The following TGFBR3 variants were observed in gnomAD, a reference collection of about 807,000 sequenced individuals.
TGFBR3 encodes the protein transforming growth factor beta receptor type 3.
A neutral mutation model predicts 87.9 loss-of-function variants in TGFBR3; 46 were observed. That is an observed-to-expected ratio of 0.52 (90% CI 0.41 to 0.67). TGFBR3 has a LOEUF of 0.67. Ranked by LOEUF, TGFBR3 falls within the 30% of genes least tolerant of loss-of-function variation. TGFBR3 has a pLI of 0.00. For missense variants in TGFBR3, 866 were observed against 1,041.9 expected (o/e 0.83, Z 2.32); for synonymous variants, 381 against 391.6 (o/e 0.97, Z 0.32).
At chr1:91,866,877 A>AG (rs1678409120) in intron 1 of TGFBR3, 1 of 152,282 alleles carries the variant, frequency 6.6e-6, no homozygotes, top group Non-Finnish European at 1.5e-5. Context: ...AAGTTCAAGG[A>AG]GGGGTTTAAA....
rs1447799026 is a variant in TGFBR3 at position 91,727,804 on chromosome 1, G to A, written c.740C>T (p.Ala247Val). ...LITPNSNPYS[A>V]FQVDITIDIR... The stretch of plus-strand genomic sequence containing the variant: ...ATCAATTGTTATATCCACCTGGAAA[G>A]CACTGTGAATGGAAGACAAAGGCAA... Residue 247 changes from alanine (A) to valine (V), a missense_variant and splice_region_variant, in exon 7 of 17, where the codon GCT becomes GTT. Transcript: ENST00000212355. 1.2e-6 allele frequency: 2 copies of A among 1,613,748 alleles called. No individual in the cohort carries two copies. Among genetic ancestry groups the A allele is most frequent in the East Asian group, 2.2e-5 (1 of 44,830 alleles).
chr1:91,780,551 C>CTTTTTTTTT lies in TGFBR3; in HGVS notation c.246+16727_246+16735dup, dbSNP rs60294904. On this transcript the variant is annotated intron_variant, in intron 3 of 16. Coordinates refer to ENST00000212355, the MANE Select transcript of TGFBR3 (RefSeq NM_003243.5). ...TACTAGTTCCCGCAAGGGTCTAAGG[C>CTTTTTTTTT]TTTTTTTTTTTTTTTTTTTTTTTCT... Among the ~76,000 whole-genome samples the CTTTTTTTTT allele has an allele frequency of 2.9e-3, 225 of 77,170 alleles. 14 individuals are homozygous for CTTTTTTTTT. Among genetic ancestry groups the CTTTTTTTTT allele is most frequent in the Non-Finnish European group, 3.9e-3 (170 of 43,434 alleles). The allele number at this position is 77,170 out of a possible 152,430, so 50.6% of individuals were successfully genotyped here. A position where few individuals can be genotyped will look rare whatever the true frequency, so the allele number is the denominator to read the frequency against.
chr1:91,791,677 G>A (rs1675198323), intron 3 of TGFBR3, among the ~76,000 whole-genome samples: 1 of 152,208 alleles, frequency 6.6e-6, no homozygotes, highest in African/African-American at 2.4e-5. Context: ...TGGAGTATGG[G>A]AAAAGCTTGC....
intron 16 of TGFBR3, among the ~76,000 whole-genome samples, chr1:91,686,152 T>G (rs1671085133): frequency 6.6e-6 from 1 of 152,172 alleles, no homozygotes; most frequent in South Asian, 2.1e-4. Context: ...TGTGCTTGAT[T>G]ATTCACATTC....
At chr1:91,766,877 G>T (rs749489494) in intron 3 of TGFBR3, among the ~76,000 whole-genome samples, 3 of 133,146 alleles carry the variant, frequency 2.3e-5, no homozygotes, top group Non-Finnish European at 4.9e-5. Context: ...CACCAAATCA[G>T]CATGAGAACA....
rs566998370 is a variant in TGFBR3, at chr1:91,711,536, C to T, written c.2166+707G>A. Among the ~76,000 whole-genome samples, 233 of 152,248 alleles carry T rather than the reference C, an allele frequency of 1.5e-3. 1 individual carries two copies. Among genetic ancestry groups the T allele is most frequent in the African/African-American group, 5.2e-3 (216 of 41,544 alleles). On this transcript the variant is annotated intron_variant, in intron 13 of 16. Transcript: ENST00000212355. ...ATCAGTTTACTCTGTGTGAGATAGC[C>T]ACAGAATAAATGCACATATGAAATT...
intron 4 of TGFBR3, among the ~76,000 whole-genome samples, chr1:91,749,557 G>C (rs1326501979): frequency 1.3e-5 from 2 of 152,220 alleles, no homozygotes; most frequent in Non-Finnish European, 2.9e-5. Flanking sequence ...TTCCAAGCTA[G>C]AGTTAGATAA....
In TGFBR3 at chr1:91,712,360, C is replaced by T. The variant is rs556122074; in HGVS notation, c.2049G>A (p.Met683Ile). The change falls in exon 13 of 17, where the codon ATG becomes ATA. Residue 683 changes from methionine to isoleucine, a missense_variant. Transcript: ENST00000212355. Reference protein sequence around the residue: ...RVHFPIPQADMDKKRFSFVFK... With the variant: ...RVHFPIPQADIDKKRFSFVFK... ...AGACAAAGCTGAATCGCTTCTTATC[C>T]ATGTCAGCTTGCGGGATAGGAAAGT... The T allele has an allele frequency of 1.9e-6, 3 of 1,614,212 alleles. No individual in the cohort carries two copies. Among genetic ancestry groups the T allele is most frequent in the Middle Eastern group, 1.6e-4 (1 of 6,062 alleles).
intron 2 of TGFBR3, among the ~76,000 whole-genome samples, chr1:91,829,343 T>G (rs146450764): frequency 4.0e-5 from 6 of 151,076 alleles, no homozygotes; most frequent in African/African-American, 1.5e-4. Context: ...CCCACTGCAC[T>G]CTAGCCTGAG....
intron 15 of TGFBR3, 113 bp from the exon 16 acceptor site, chr1:91,695,892 G>A (rs943826787): frequency 9.1e-5 from 81 of 892,324 alleles, no homozygotes; most frequent in South Asian, 1.5e-4. Context: ...TAATAAAATC[G>A]GAGAATGCAA....
chr1:91,723,225 T>C (rs1424220940), intron 7 of TGFBR3, among the ~76,000 whole-genome samples: 1 of 152,150 alleles, frequency 6.6e-6, no homozygotes, highest in Non-Finnish European at 1.5e-5. Flanking sequence ...TTCACACCTA[T>C]AATACTAGCA....
chr1:91,683,242 C>G lies in TGFBR3; in HGVS notation c.*497G>C. The G allele has an allele frequency of 2.2e-6, 1 of 454,788 alleles. No homozygotes were observed. Among genetic ancestry groups the G allele is most frequent in the Non-Finnish European group, 4.4e-6 (1 of 227,024 alleles). 28.2% of individuals were successfully genotyped at this position (454,788 alleles called of 1,614,324 possible). ...CATCCAGACAAAGGTGCAAATTAGACAGGAGGATCGCTTAGAAAGCCTCAA... is the reference window on the plus strand; with the variant it reads ...CATCCAGACAAAGGTGCAAATTAGAGAGGAGGATCGCTTAGAAAGCCTCAA... On this transcript the variant is annotated 3_prime_UTR_variant, in exon 17 of 17. Coordinates refer to ENST00000212355, the MANE Select transcript of TGFBR3 (RefSeq NM_003243.5).
rs1179191816 is a variant in TGFBR3 at position 91,681,983 on chromosome 1, C to G, written c.*1756G>C. The G allele has an allele frequency of 2.2e-6, 1 of 453,034 alleles. No homozygotes were observed. The highest frequency in any genetic ancestry group is 1.6e-5 in the South Asian group (1 of 64,306). The allele number at this position is 453,034 out of a possible 1,614,324, so 28.1% of individuals were successfully genotyped here. On this transcript the variant is annotated 3_prime_UTR_variant, in exon 17 of 17. Transcript: ENST00000212355. Reference sequence around the variant, plus strand: ...GAAATCTAGAAATTTTTCAGTAGATCAATGTAGATAGCCTGGAAATCTCAG... The same window carrying G: ...GAAATCTAGAAATTTTTCAGTAGATGAATGTAGATAGCCTGGAAATCTCAG...
At chr1:91,855,697 T>C (rs959853462) in intron 2 of TGFBR3, among the ~76,000 whole-genome samples, 18 of 152,182 alleles carry the variant, frequency 1.2e-4, no homozygotes, top group African/African-American at 4.3e-4. Flanking sequence ...ATATTTTCAA[T>C]AATAGTAATG....
chr1:91,785,060 C>T lies in TGFBR3; in HGVS notation c.246+12227G>A, dbSNP rs1452448499. 2.6e-5 allele frequency among the ~76,000 whole-genome samples: 4 copies of T among 152,198 alleles called. No individual in the cohort carries two copies. In the East Asian group the frequency reaches 5.8e-4, roughly 22 times the overall value. ...TTATCAAATGGGTGTGGCTTTAAAA[C>T]TAATAAAACTTTAAAAACAGGCATC... On this transcript the variant is annotated intron_variant, in intron 3 of 16. Transcript: ENST00000212355.
At position 91,682,047 on chromosome 1, in the gene TGFBR3, A is replaced by C. The variant is rs1033375502; in HGVS notation, c.*1692T>G. On this transcript the variant is annotated 3_prime_UTR_variant, in exon 17 of 17. Transcript: ENST00000212355. Reference sequence around the variant, plus strand: ...TTTTAGTTAAAATGTTCCTTATTGAAAAAAAAAAATGTTCCTTATTGAATG... The same window carrying C: ...TTTTAGTTAAAATGTTCCTTATTGACAAAAAAAAATGTTCCTTATTGAATG... 2 of 448,438 alleles carry C rather than the reference A, an allele frequency of 4.5e-6. No homozygotes were observed. Among genetic ancestry groups the C allele is most frequent in the African/African-American group, 4.1e-5 (2 of 49,362 alleles). 27.8% of individuals were successfully genotyped at this position (448,438 alleles called of 1,614,324 possible). A position where few individuals can be genotyped will look rare whatever the true frequency, so the allele number is the denominator to read the frequency against.
intron 13 of TGFBR3, among the ~76,000 whole-genome samples, chr1:91,711,290 C>T (rs374712620): frequency 1.3e-5 from 2 of 152,190 alleles, no homozygotes; most frequent in African/African-American, 2.4e-5. Context: ...ACAAAATTCT[C>T]TTGGGTGTTA....
chr1:91,702,421 C>A (rs185651126), intron 14 of TGFBR3, among the ~76,000 whole-genome samples: 4 of 151,688 alleles, frequency 2.6e-5, no homozygotes, highest in Non-Finnish European at 4.4e-5. Flanking sequence ...CCGAGACGGG[C>A]GGATCACAAG....
At chr1:91,738,091 C>A (rs1673023836) in intron 4 of TGFBR3, among the ~76,000 whole-genome samples, 1 of 152,216 alleles carries the variant, frequency 6.6e-6, no homozygotes, top group Admixed American at 6.5e-5. Context: ...GGCTTTCAAA[C>A]TGGAACATCA....
Sources: gnomAD v4.1 joint callset for allele counts (sites outside exome capture counted in the v4.1 genomes callset) on GRCh38, gnomAD v4.1.1 for gene constraint, MANE v1.5 for transcripts, NCBI Gene and HGNC (gene_info 2026-07-23, HGNC 2026-07-21) for gene names.